SMCHD1: variants seen among roughly 807,000 people sequenced by gnomAD.
The protein encoded by SMCHD1 is structural maintenance of chromosomes flexible hinge domain containing 1, also known as structural maintenance of chromosomes flexible hinge domain-containing protein 1.
A neutral mutation model predicts 254.7 loss-of-function variants in SMCHD1; 78 were observed. That is an observed-to-expected ratio of 0.31 (90% CI 0.26 to 0.37). SMCHD1 has a LOEUF of 0.37. Among genes scored for constraint, SMCHD1 ranks in the 10% least tolerant of loss-of-function variants. The pLI is 1.00. For synonymous variants in SMCHD1, 766 were observed against 794.9 expected (o/e 0.96, Z 0.61); for missense variants, 1,840 against 2,408.1 (o/e 0.76, Z 4.94).
At chr18:2,741,818 A>C (rs1185721930) in intron 28 of SMCHD1, among the ~76,000 whole-genome samples, 3 of 152,164 alleles carry the variant, frequency 2.0e-5, no homozygotes, top group Non-Finnish European at 2.9e-5. Context: ...ATCTTCAGTT[A>C]TCTCTTCCAC....
chr18:2,775,304 T>C (rs906265130), intron 41 of SMCHD1, among the ~76,000 whole-genome samples: 1 of 132,330 alleles, frequency 7.6e-6, no homozygotes, highest in African/African-American at 2.8e-5. Flanking sequence ...AGGGAAGGGC[T>C]TATTAACTGT....
chr18:2,722,445 G>A, intron 19 of SMCHD1, 74 bp from the exon 20 acceptor site: 1 of 1,208,514 alleles, frequency 8.3e-7, no homozygotes, highest in Non-Finnish European at 1.2e-6. Context: ...GATAGAAATG[G>A]ATCTGTTTTT....
rs1012401047 is a variant in SMCHD1, at chr18:2,789,213, T to A, written c.5719+4592T>A. ...TTTTTTTGTATTATTATTATTTTTTTTTTTTTTTGGTAGACATGGGGTTTT... is the reference window on the plus strand; with the variant it reads ...TTTTTTTGTATTATTATTATTTTTTATTTTTTTTGGTAGACATGGGGTTTT... On this transcript the variant is annotated intron_variant, in intron 45 of 47. Transcript: ENST00000320876. 1.7e-3 allele frequency among the ~76,000 whole-genome samples: 255 copies of A among 151,800 alleles called. 1 individual carries two copies. The highest frequency in any genetic ancestry group is 3.9e-3 in the South Asian group (19 of 4,814).
chr18:2,656,482 G>A (rs1339083113), intron 1 of SMCHD1, among the ~76,000 whole-genome samples: 1 of 152,240 alleles, frequency 6.6e-6, no homozygotes, highest in Non-Finnish European at 1.5e-5. Flanking sequence ...GCTCCCCCGT[G>A]GCCCTCCCTC....
chr18:2,719,638 G>A (rs1024560743), intron 19 of SMCHD1, among the ~76,000 whole-genome samples: 2 of 150,078 alleles, frequency 1.3e-5, no homozygotes, highest in African/African-American at 4.9e-5. Context: ...TGTTGCCCAG[G>A]CTGGAGTGCA....
At chr18:2,796,137 T>C in intron 46 of SMCHD1, 30 bp downstream of exon 46, 18 of 1,451,774 alleles carry the variant, frequency 1.2e-5, no homozygotes, top group Non-Finnish European at 1.6e-5. Context: ...TAACTTCTAC[T>C]TTCTTTATAT....
intron 19 of SMCHD1, among the ~76,000 whole-genome samples, chr18:2,722,256 G>C (rs1290936034): frequency 2.0e-5 from 3 of 152,168 alleles, no homozygotes; most frequent in Non-Finnish European, 4.4e-5. Context: ...TGGGCAACAT[G>C]ATGAGACCCT....
chr18:2,694,408 CT>C, intron 7 of SMCHD1, 118 bp from the exon 8 acceptor site: 1 of 890,410 alleles, frequency 1.1e-6, no homozygotes, highest in Non-Finnish European at 1.7e-6. Context: ...TCCTCCAAAG[CT>C]TTTCTGAAAC....
At chr18:2,725,434 G>A (rs11080985) in intron 21 of SMCHD1, among the ~76,000 whole-genome samples, 44,616 of 151,348 alleles carry the variant, frequency 0.29, 6,798 homozygotes, top group East Asian at 0.5. Context: ...TTAGATAAAA[G>A]GAAGTGTTTG....
At chr18:2,743,643 G>A (rs1385793658) in intron 28 of SMCHD1, 118 bp from the exon 29 acceptor site, 11 of 584,610 alleles carry the variant, frequency 1.9e-5, no homozygotes, top group Non-Finnish European at 2.9e-5. Context: ...TTTATTTTCT[G>A]TCATGTTACC....
Position 2,762,086 on chromosome 18 carries a change from G to T in SMCHD1, c.4435-19G>T, listed in dbSNP as rs1244604816. ...GCATCAATATATTGTTAATCAGAAT[G>T]TCTCTTTTGTTTTGTAAGGTTATAG... On this transcript the variant is annotated intron_variant, in intron 35 of 47. Transcript: ENST00000320876. 6.2e-7 allele frequency: 1 copy of T among 1,609,074 alleles called. No homozygotes were observed.
chr18:2,662,165 CA>C (rs748303423), intron 1 of SMCHD1, among the ~76,000 whole-genome samples: 30 of 58,300 alleles, frequency 5.1e-4, no homozygotes, highest in Admixed American at 6.4e-4. Flanking sequence ...GACTCCGTCT[CA>C]AAAAAAAAAA....
intron 26 of SMCHD1, 119 bp downstream of exon 26, chr18:2,738,664 G>GTT: frequency 1.1e-6 from 1 of 896,002 alleles, no homozygotes. Flanking sequence ...ATAATAGATT[G>GTT]TCTTTGGAAT....
chr18:2,777,936 T>C (rs1266194229), intron 43 of SMCHD1, 21 bp downstream of exon 43: 12 of 1,394,764 alleles, frequency 8.6e-6, no homozygotes, highest in Non-Finnish European at 1.2e-5. Flanking sequence ...TTATGGTGAC[T>C]TTACTTTTGT....
chr18:2,709,009 T>A, intron 17 of SMCHD1, among the ~76,000 whole-genome samples: 1 of 147,278 alleles, frequency 6.8e-6, no homozygotes, highest in Non-Finnish European at 1.5e-5. Context: ...CATTTCAAAC[T>A]GAAACTCTAT....
intron 5 of SMCHD1, among the ~76,000 whole-genome samples, chr18:2,681,743 A>G (rs1052511959): frequency 1.3e-5 from 2 of 152,184 alleles, no homozygotes; most frequent in African/African-American, 2.4e-5. Flanking sequence ...GGGGAGAGGT[A>G]TGACATTAGT....
At chr18:2,708,058 T>A in intron 17 of SMCHD1, 138 bp downstream of exon 17, 1 of 486,058 alleles carries the variant, frequency 2.1e-6, no homozygotes, top group East Asian at 3.3e-5. Context: ...ATTTCAGGAA[T>A]GTTATGAATA....
chr18:2,775,042 TC>T (rs1474119311), intron 41 of SMCHD1, among the ~76,000 whole-genome samples: 1 of 151,682 alleles, frequency 6.6e-6, no homozygotes. Context: ...AAAGCATTGT[TC>T]CTAGAAACAG....
At chr18:2,735,662 C>A (rs2075234720) in intron 25 of SMCHD1, among the ~76,000 whole-genome samples, 1 of 152,248 alleles carries the variant, frequency 6.6e-6, no homozygotes, top group African/African-American at 2.4e-5. Context: ...GTAACACAGT[C>A]CCATTTACGG....
Sources: gnomAD v4.1 joint callset for allele counts (sites outside exome capture counted in the v4.1 genomes callset) on GRCh38, gnomAD v4.1.1 for gene constraint, MANE v1.5 for transcripts, NCBI Gene and HGNC (gene_info 2026-07-23, HGNC 2026-07-21) for gene names.